The following UBXN2A variants were observed in gnomAD, a reference collection of about 807,000 sequenced individuals.
UBXN2A encodes UBX domain protein 2A, also known as UBX domain-containing protein 2A.
UBXN2A carries 28 observed loss-of-function variants against 28.4 expected under a neutral mutation model. The ratio of observed to expected loss-of-function variants is 0.99; its 90% CI spans 0.73 to 1.35. The LOEUF (loss-of-function observed/expected upper bound fraction) is 1.35. UBXN2A is among the 40% of genes most tolerant of loss of function. UBXN2A has a pLI of 0.00. For missense variants in UBXN2A, 253 were observed against 297.9 expected (o/e 0.85, Z 1.11); for synonymous variants, 97 against 103.6 (o/e 0.94, Z 0.39).
At chr2:23,993,889 C>T (rs1314781810) in intron 6 of UBXN2A, among the ~76,000 whole-genome samples, 1 of 151,974 alleles carries the variant, frequency 6.6e-6, no homozygotes, top group Admixed American at 6.6e-5. Context: ...AGGGTTTCAC[C>T]ATGTTGGCCA....
chr2:23,974,046 G>A (rs1167905149), intron 3 of UBXN2A, among the ~76,000 whole-genome samples: 3 of 142,220 alleles, frequency 2.1e-5, no homozygotes, highest in South Asian at 4.4e-4. Context: ...ACGGAGTCTC[G>A]CTCTGTCGCC....
upstream of UBXN2A, among the ~76,000 whole-genome samples, chr2:23,938,139 A>G (rs116562653): frequency 1.0e-3 from 158 of 152,326 alleles, no homozygotes; most frequent in African/African-American, 3.6e-3. Context: ...GACTTTATAT[A>G]TAAAGTGAGT....
At chr2:23,959,017 T>A (rs975746927) in intron 2 of UBXN2A, among the ~76,000 whole-genome samples, 5 of 152,072 alleles carry the variant, frequency 3.3e-5, no homozygotes, top group Admixed American at 1.3e-4. Context: ...AATTTTTAAA[T>A]TTTTTTGTAG....
At chr2:23,961,632 C>A (rs1387567694) in intron 2 of UBXN2A, among the ~76,000 whole-genome samples, 1 of 146,740 alleles carries the variant, frequency 6.8e-6, no homozygotes, top group Non-Finnish European at 1.5e-5. Flanking sequence ...ATTGCAACCT[C>A]CGCCTCCCAG....
Position 23,977,041 on chromosome 2 carries a change from G to A in UBXN2A, c.253G>A (p.Ala85Thr). The A allele has an allele frequency of 6.2e-7, 1 of 1,612,920 alleles. No individual in the cohort carries two copies. ...NDDFRSYSDG[A>T]SQQFLNSIKK... ...CGATTTCAGAAGTTATTCCGATGGT[G>A]CCAGTCAGCAGTTTTTGAACTCCAT... The change falls in exon 4 of 7, where the codon GCC (alanine) becomes ACC (threonine). Residue 85 changes from alanine to threonine, a missense_variant. Ala to Thr is a moderately conservative substitution (Grantham distance 58). Transcript: ENST00000309033.
intron 6 of UBXN2A, among the ~76,000 whole-genome samples, chr2:23,996,463 TTTTC>T (rs1195488446): frequency 6.6e-6 from 1 of 151,080 alleles, no homozygotes. Context: ...CTGTTTTCTT[TTTTC>T]TTTTTCTTTT....
At chr2:23,954,931 C>CT (rs35139100) in intron 1 of UBXN2A, among the ~76,000 whole-genome samples, 4,999 of 120,780 alleles carry the variant, frequency 0.041, 149 homozygotes, top group South Asian at 0.066. Flanking sequence ...GCTTGCCTAC[C>CT]TTTTTTTTTT....
At position 23,999,706 on chromosome 2, in the gene UBXN2A, C is replaced by G. The variant is rs147884207; in HGVS notation, c.619C>G (p.Gln207Glu). Residue 207 changes from glutamine to glutamate, a missense_variant, in exon 7 of 7, where the codon CAA becomes GAA. Gln to Glu is a conservative substitution (Grantham distance 29, BLOSUM62 2). Transcript: ENST00000309033. ...SHIKDFIEKY[Q>E]GSQRSPPFSL... ...TATCAAAGACTTCATTGAAAAATAC[C>G]AAGGATCTCAAAGAAGTCCTCCGTT... 44 of 1,613,826 alleles carry G rather than the reference C, an allele frequency of 2.7e-5. No homozygotes were observed. The African/African-American group carries it at 4.1e-4, about 15-fold the overall frequency.
intron 1 of UBXN2A, among the ~76,000 whole-genome samples, chr2:23,945,392 T>C (rs2150805271): frequency 6.6e-6 from 1 of 152,372 alleles, no homozygotes; most frequent in South Asian, 2.1e-4. Flanking sequence ...TTTCATTTTC[T>C]ATCACTTAGT....
intron 1 of UBXN2A, among the ~76,000 whole-genome samples, chr2:23,929,490 T>G (rs1053403951): frequency 6.0e-5 from 9 of 149,816 alleles, no homozygotes; most frequent in Admixed American, 2.7e-4. Flanking sequence ...GGCGGGCGGA[T>G]CACTTGAGGT....
In UBXN2A at chr2:24,002,420, T is replaced by A. The variant is rs1271456298; in HGVS notation, c.*2553T>A. ...ACCCTGCCGTAATAATAATAACTTT[T>A]TTTTTTTTGAGATAGAGTTTTGCTC... On this transcript the variant is annotated 3_prime_UTR_variant, in exon 7 of 7. Transcript: ENST00000309033. 6.6e-6 allele frequency: 1 copy of A among 151,846 alleles called. No homozygotes were observed. The highest frequency in any genetic ancestry group is 1.5e-5 in the Non-Finnish European group (1 of 67,996). The allele number at this position is 151,846 out of a possible 1,614,324, so 9.4% of individuals were successfully genotyped here. A position where few individuals can be genotyped will look rare whatever the true frequency, so the allele number is the denominator to read the frequency against.
rs1243430040 is a variant in UBXN2A, at chr2:23,977,073, G to C, written c.285G>C (p.Lys95Asn). The C allele has an allele frequency of 2.5e-6, 4 of 1,610,552 alleles. No individual in the cohort carries two copies. The highest frequency in any genetic ancestry group is 3.4e-6 in the Non-Finnish European group (4 of 1,177,346). The change falls in exon 4 of 7, where the codon AAG (lysine) becomes AAC (asparagine). Residue 95 changes from lysine to asparagine, a missense_variant and splice_region_variant. By Grantham distance (94) the Lys-to-Asn change is moderately conservative. Transcript: ENST00000309033. ...ASQQFLNSIK[K>N]GELPSELQGI... Reference sequence around the variant, plus strand: ...AGCAGTTTTTGAACTCCATCAAAAAGGGGTGAGTAGCCAGGTGTGGTAGGT... The same window carrying C: ...AGCAGTTTTTGAACTCCATCAAAAACGGGTGAGTAGCCAGGTGTGGTAGGT...
intron 4 of UBXN2A, among the ~76,000 whole-genome samples, chr2:23,982,388 A>G (rs1707949120): frequency 1.3e-5 from 2 of 152,178 alleles, no homozygotes; most frequent in South Asian, 2.1e-4. Context: ...AAAGTTTACA[A>G]ATTTTTGTTG....
intron 3 of UBXN2A, among the ~76,000 whole-genome samples, chr2:23,973,166 C>T (rs1385684219): frequency 6.6e-6 from 1 of 150,850 alleles, no homozygotes; most frequent in Non-Finnish European, 1.5e-5. Context: ...ATTACAGGTG[C>T]GCACCACCAT....
chr2:23,998,365 A>G (rs1385025052), intron 6 of UBXN2A, among the ~76,000 whole-genome samples: 1 of 152,250 alleles, frequency 6.6e-6, no homozygotes, highest in Non-Finnish European at 1.5e-5. Flanking sequence ...CAGAAAATAA[A>G]TAAGTCATAT....
intron 2 of UBXN2A, among the ~76,000 whole-genome samples, chr2:23,967,183 G>A (rs76280955): frequency 0.026 from 3,981 of 151,908 alleles, 179 homozygotes; most frequent in African/African-American, 0.091. Flanking sequence ...TTTCTTACTC[G>A]TCTTCATATC....
intron 3 of UBXN2A, 57 bp downstream of exon 3, chr2:23,971,471 T>A: frequency 7.0e-7 from 1 of 1,430,226 alleles, no homozygotes; most frequent in South Asian, 1.8e-5. Flanking sequence ...TATATGGACC[T>A]GTTAGAGGGT....
chr2:24,002,621 G>A lies in UBXN2A; in HGVS notation c.*2754G>A. ...GACGGGGTTTCGCCATGTTGGCCTG[G>A]CTGGCCTCTAACTCGTAACCTCAGG... On this transcript the variant is annotated 3_prime_UTR_variant, in exon 7 of 7. Coordinates refer to ENST00000309033, the MANE Select transcript of UBXN2A (RefSeq NM_181713.4). 1 of 152,276 alleles carries A rather than the reference G, an allele frequency of 6.6e-6. No homozygotes were observed. The highest frequency in any genetic ancestry group is 1.5e-5 in the Non-Finnish European group (1 of 68,074). 9.4% of individuals were successfully genotyped at this position (152,276 alleles called of 1,614,324 possible).
chr2:23,974,433 C>T (rs1707565410), intron 3 of UBXN2A, among the ~76,000 whole-genome samples: 1 of 151,500 alleles, frequency 6.6e-6, no homozygotes, highest in Non-Finnish European at 1.5e-5. Context: ...GCAAGCTCCG[C>T]CTCCCGGGTT....
Sources: gnomAD v4.1 joint callset for allele counts (sites outside exome capture counted in the v4.1 genomes callset) on GRCh38, gnomAD v4.1.1 for gene constraint, MANE v1.5 for transcripts, NCBI Gene and HGNC (gene_info 2026-07-23, HGNC 2026-07-21) for gene names.